Variants in PAXIP1 observed in about 807,000 individuals in gnomAD.
PAXIP1 encodes PAX-interacting protein 1.
Under a neutral mutation model 140.6 loss-of-function variants are expected in PAXIP1, and 19 were observed. The ratio of observed to expected loss-of-function variants is 0.14; its 90% CI spans 0.09 to 0.20. The LOEUF (loss-of-function observed/expected upper bound fraction) is 0.20, where lower values mean the gene tolerates loss of function less well. Among genes scored for constraint, PAXIP1 ranks in the 10% least tolerant of loss-of-function variants. The probability of loss-of-function intolerance (pLI) is 1.00; values close to 1 mark genes in which losing one functional copy is unlikely to be tolerated. For missense variants in PAXIP1, 920 were observed against 1,208.6 expected (o/e 0.76, Z 3.54); for synonymous variants, 442 against 444.6 (o/e 0.99, Z 0.07).
At chr7:154,966,436 C>T (rs1348783288) in intron 8 of PAXIP1, among the ~76,000 whole-genome samples, 1 of 152,178 alleles carries the variant, frequency 6.6e-6, no homozygotes, top group Non-Finnish European at 1.5e-5. Context: ...AGTTGCAAAG[C>T]TATTTTCTTT....
intron 5 of PAXIP1, among the ~76,000 whole-genome samples, chr7:154,980,070 G>C (rs1809771792): frequency 6.6e-6 from 1 of 152,128 alleles, no homozygotes; most frequent in Non-Finnish European, 1.5e-5. Context: ...GGAATGCTAA[G>C]TCCTAGAATG....
At chr7:154,972,766 C>A (rs79351931) in intron 6 of PAXIP1, among the ~76,000 whole-genome samples, 1 of 152,366 alleles carries the variant, frequency 6.6e-6, no homozygotes, top group Non-Finnish European at 1.5e-5. Context: ...AGGTCCACTG[C>A]GTGGCCGCAG....
At chr7:154,948,952 T>A (rs1432438938) in intron 16 of PAXIP1, 1 of 152,124 alleles carries the variant, frequency 6.6e-6, no homozygotes, top group African/African-American at 2.4e-5. Context: ...CTTCTGACAA[T>A]TATTAATAAT....
chr7:154,945,879 T>G, intron 20 of PAXIP1: 1 of 985,410 alleles, frequency 1.0e-6, no homozygotes, highest in Non-Finnish European at 1.2e-6. Flanking sequence ...GTGTCAATAT[T>G]CTAAAGACTG....
At chr7:154,974,740 T>A (rs1809488358) in intron 6 of PAXIP1, 4 of 152,180 alleles carry the variant, frequency 2.6e-5, no homozygotes, top group Non-Finnish European at 5.9e-5. Flanking sequence ...CTTCTCTACC[T>A]AAATTAGTTT....
chr7:154,991,330 CA>C (rs1346877999), intron 3 of PAXIP1, among the ~76,000 whole-genome samples: 1 of 152,216 alleles, frequency 6.6e-6, no homozygotes, highest in Non-Finnish European at 1.5e-5. Context: ...AGTATACTCA[CA>C]GGGGGAAGCC....
intron 17 of PAXIP1, 43 bp downstream of exon 17, chr7:154,947,860 G>A (rs1808069809): frequency 2.9e-6 from 4 of 1,376,446 alleles, no homozygotes; most frequent in Non-Finnish European, 4.2e-6. Flanking sequence ...AGGTCCGTGT[G>A]TTATGCTTAC....
chr7:154,963,184 AT>A lies in PAXIP1; in HGVS notation c.1989+486del, dbSNP rs897826977. Reference sequence around the variant, plus strand: ...GGAGTGTCCGCCCTTTCTTTCTTTTATTTTTTTTTGAGATGGAGTCTCGCTG... The same window carrying A: ...GGAGTGTCCGCCCTTTCTTTCTTTTATTTTTTTTGAGATGGAGTCTCGCTG... On this transcript the variant is annotated intron_variant, in intron 9 of 20. Transcript: ENST00000404141. The surrounding 1 kb of genome is among the most constrained non-coding windows in gnomAD (Gnocchi z 4.1). 2.7e-5 allele frequency among the ~76,000 whole-genome samples: 4 copies of A among 150,422 alleles called. No homozygotes were observed. The highest frequency in any genetic ancestry group is 1.9e-4 in the East Asian group (1 of 5,138).
chr7:154,953,700 TA>T (rs1808383500), intron 16 of PAXIP1, among the ~76,000 whole-genome samples: 1 of 152,222 alleles, frequency 6.6e-6, no homozygotes, highest in Non-Finnish European at 1.5e-5. Flanking sequence ...ACTTATTTTA[TA>T]CCTAGCAAGG....
At chr7:155,002,398 G>A (rs902751624) in intron 1 of PAXIP1, among the ~76,000 whole-genome samples, 2 of 152,106 alleles carry the variant, frequency 1.3e-5, no homozygotes, top group African/African-American at 4.8e-5. Flanking sequence ...GCCGAGCGAG[G>A]CTGGGGTCCC....
Position 154,981,627 on chromosome 7 carries a change from T to C in PAXIP1, c.438+1592A>G, listed in dbSNP as rs533042293. Among the ~76,000 whole-genome samples, 3 of 152,262 alleles carry C rather than the reference T, an allele frequency of 2.0e-5. No individual in the cohort carries two copies. The South Asian group carries it at 6.2e-4, about 32-fold the overall frequency. On this transcript the variant is annotated intron_variant, in intron 5 of 20. Coordinates refer to ENST00000404141, the MANE Select transcript of PAXIP1 (RefSeq NM_007349.4). ...TTTTAAAATATATGGAGTATTTGCT[T>C]TATCTAAATGTAATTATAGTAGCAT...
Position 155,002,944 on chromosome 7 carries a change from G to T in PAXIP1, c.-15C>A, listed in dbSNP as rs770925306. The T allele has an allele frequency of 5.9e-5, 73 of 1,240,970 alleles. No individual in the cohort carries two copies. The highest frequency in any genetic ancestry group is 7.6e-5 in the Admixed American group (3 of 39,662). 76.9% of individuals were successfully genotyped at this position (1,240,970 alleles called of 1,614,324 possible). A position where few individuals can be genotyped will look rare whatever the true frequency, so the allele number is the denominator to read the frequency against. On this transcript the variant is annotated 5_prime_UTR_variant, in exon 1 of 21. Coordinates refer to ENST00000404141, the MANE Select transcript of PAXIP1 (RefSeq NM_007349.4). ...TGGTCCGACATGATCGCGGCGGCCCGGGAGGCTCCGCGGCGGCGCCCGGCC... is the reference window on the plus strand; with the variant it reads ...TGGTCCGACATGATCGCGGCGGCCCTGGAGGCTCCGCGGCGGCGCCCGGCC...
At position 154,990,018 on chromosome 7, in the gene PAXIP1, C is replaced by A. The variant is rs532958893; in HGVS notation, c.324+988G>T. 4.7e-5 allele frequency among the ~76,000 whole-genome samples: 7 copies of A among 149,548 alleles called. No individual in the cohort carries two copies. In the East Asian group the frequency reaches 1.4e-3, roughly 29 times the overall value. ...TTTATGTGTCAGTCTGTCCTTCTAT[C>A]GACTTGGGATAAGTTTCTCTTTTTT... is the stretch of plus-strand genomic sequence containing the variant. On this transcript the variant is annotated intron_variant, in intron 4 of 20. Transcript: ENST00000404141.
intron 16 of PAXIP1, among the ~76,000 whole-genome samples, chr7:154,952,950 T>C (rs778483430): frequency 2.0e-5 from 3 of 152,254 alleles, no homozygotes; most frequent in African/African-American, 4.8e-5. Context: ...AGTATCTTTA[T>C]TTTTCTGGGT....
chr7:154,957,350 G>C, intron 13 of PAXIP1, 56 bp from the exon 14 acceptor site: 1 of 893,854 alleles, frequency 1.1e-6, no homozygotes, highest in Non-Finnish European at 1.8e-6. Flanking sequence ...TAATACAGTA[G>C]CTTCCAGAAG....
chr7:154,981,113 T>A (rs1414877032), intron 5 of PAXIP1, among the ~76,000 whole-genome samples: 1 of 151,794 alleles, frequency 6.6e-6, no homozygotes, highest in Non-Finnish European at 1.5e-5. Flanking sequence ...AGAGTGAGAC[T>A]CTGTCTCAAG....
chr7:154,962,994 G>A (rs769919278), intron 9 of PAXIP1, among the ~76,000 whole-genome samples: 55 of 152,154 alleles, frequency 3.6e-4, no homozygotes, highest in Non-Finnish European at 6.3e-4. Context: ...TGAAACTTCA[G>A]AGAGCACAGG....
chr7:154,976,116 T>G lies in PAXIP1; in HGVS notation c.654A>C (p.Ser218=). Residue 218 remains serine, a synonymous_variant, in exon 6 of 21, where the codon TCA becomes TCC. Transcript: ENST00000404141. Reference sequence around the variant, plus strand: ...ACCCTTCTTGAGAGCTGGCAGGGCTTGACTTCTCATCTGTACTACCCTCAT... The same window carrying G: ...ACCCTTCTTGAGAGCTGGCAGGGCTGGACTTCTCATCTGTACTACCCTCAT... ...SQNEGSTDEK[S]SPASSQEGSP... 1 of 1,570,662 alleles carries G rather than the reference T, an allele frequency of 6.4e-7. No homozygotes were observed. Among genetic ancestry groups the G allele is most frequent in the Non-Finnish European group, 8.6e-7 (1 of 1,156,336 alleles).
chr7:154,958,148 C>T (rs1001199129), intron 13 of PAXIP1, among the ~76,000 whole-genome samples: 1 of 152,154 alleles, frequency 6.6e-6, no homozygotes, highest in African/African-American at 2.4e-5. Flanking sequence ...CTACACTCTG[C>T]CTCAGCAACA....
Sources: allele counts gnomAD v4.1 joint callset (sites outside exome capture counted in the v4.1 genomes callset), GRCh38; gene constraint gnomAD v4.1.1; non-coding constraint Gnocchi (gnomAD v3.1); transcripts MANE v1.5; gene names NCBI Gene and HGNC (gene_info 2026-07-23, HGNC 2026-07-21).